MUC3A: variants seen among roughly 807,000 people sequenced by gnomAD.
MUC3A encodes mucin 3A, cell surface associated, also known as mucin-3A.
A neutral mutation model predicts 109.0 loss-of-function variants in MUC3A; 109 were observed. The ratio of observed to expected loss-of-function variants is 1.00; its 90% confidence interval spans 0.86 to 1.17. The LOEUF (loss-of-function observed/expected upper bound fraction) is 1.17. Ranked by LOEUF, MUC3A falls within the 50% of genes most tolerant of loss-of-function variation. The probability of loss-of-function intolerance (pLI) is 0.00; values close to 1 mark genes in which losing one functional copy is unlikely to be tolerated. For missense variants in MUC3A, 3,537 were observed against 2,469.4 expected, an observed-to-expected ratio of 1.43 and a Z score of -9.16; for synonymous variants, 1,398 against 981.4, an observed-to-expected ratio of 1.42 and a Z score of -7.93.
rs1792246534 is a variant in MUC3A, at chr7:100,959,651, G to A, written c.7872G>A (p.Val2624=). The A allele has an allele frequency of 1.3e-6, 2 of 1,598,410 alleles. No homozygotes were observed. Among genetic ancestry groups the A allele is most frequent in the Non-Finnish European group, 1.7e-6 (2 of 1,179,804 alleles). ...CATCAACAGCCTTGAGCACGATCGT[G>A]TCAACATCACAGGTTCCTATTCCTA... ...LTPSTALSTI[V]STSQVPIPST... is the part of the protein sequence containing the mutation. The change falls in exon 2 of 12, where the codon GTG becomes GTA. Residue 2624 remains valine, a synonymous_variant. Transcript: ENST00000379458.
rs1792281597 is a variant in MUC3A, at chr7:100,960,419, C to T, written c.8640C>T (p.Pro2880=). ...GGCTGAGCAACAGTTCTGTGATCCC[C>T]CTACCTCTTCCTGGCGTCTCTACCA... is the stretch of plus-strand genomic sequence containing the variant. The part of the protein sequence containing the change: ...ETWLSNSSVI[P]LPLPGVSTIP... The change falls in exon 2 of 12, where the codon CCC becomes CCT. Residue 2880 remains proline, a synonymous_variant. Coordinates refer to ENST00000379458, the MANE Select transcript of MUC3A (RefSeq NM_005960.2). 7.5e-6 allele frequency: 12 copies of T among 1,598,546 alleles called. No individual in the cohort carries two copies. Among genetic ancestry groups the T allele is most frequent in the Non-Finnish European group, 9.3e-6 (11 of 1,179,818 alleles).
In MUC3A at chr7:100,955,040, C is replaced by A. The variant is rs1305575201; in HGVS notation, c.3261C>A (p.Tyr1087Ter). The stretch of plus-strand genomic sequence containing the variant: ...CTACACCTACATCTGAGACCACCTA[C>A]CCTACTTCTCCCACCAGCATTGTCT... ...TRSTPTSETT[Y>*]PTSPTSIVSD... The change falls in exon 2 of 12, where the codon TAC (tyrosine) becomes TAA (stop). Residue 1087 changes from tyrosine (Y) to a stop codon, truncating the protein, a stop_gained. Coordinates refer to ENST00000379458, the MANE Select transcript of MUC3A (RefSeq NM_005960.2). LOFTEE classifies it high-confidence loss of function. The A allele has an allele frequency of 2.2e-5, 11 of 490,712 alleles. No homozygotes were observed. Among genetic ancestry groups the A allele is most frequent in the Non-Finnish European group, 7.0e-6 (2 of 287,240 alleles). 30.4% of individuals were successfully genotyped at this position (490,712 alleles called of 1,614,324 possible). A position where few individuals can be genotyped will look rare whatever the true frequency, so the allele number is the denominator to read the frequency against.
In MUC3A at chr7:100,967,092, G is replaced by A. The variant is rs766807946; in HGVS notation, c.9931-29G>A. The A allele has an allele frequency of 2.1e-4, 339 of 1,598,326 alleles. No individual in the cohort carries two copies. In the East Asian group the frequency reaches 4.6e-3, roughly 22 times the overall value. On this transcript the variant is annotated intron_variant, in intron 11 of 11. Transcript: ENST00000379458. ...TGTCAGCCCAAACCAGTGGCTCCGC[G>A]TTCCCGTCCCTCACTGTGACTCTGA...
At position 100,960,083 on chromosome 7, in the gene MUC3A, C is replaced by T. The variant is rs755010363; in HGVS notation, c.8304C>T (p.Pro2768=). The change falls in exon 2 of 12, where the codon CCC becomes CCT. Residue 2768 remains proline (P), a synonymous_variant. Transcript: ENST00000379458. ...FSYISLPSTT[P]CPGTITITIV... Reference sequence around the variant, plus strand: ...ATATTTCCCTTCCCTCCACCACACCCTGTCCAGGAACTATAACAATTACCA... The same window carrying T: ...ATATTTCCCTTCCCTCCACCACACCTTGTCCAGGAACTATAACAATTACCA... The T allele has an allele frequency of 5.4e-5, 82 of 1,517,710 alleles. No homozygotes were observed. The South Asian group carries it at 1.0e-3, about 18-fold the overall frequency. 94.0% of individuals were successfully genotyped at this position (1,517,710 alleles called of 1,614,324 possible).
At position 100,949,724 on chromosome 7, in the gene MUC3A, C is replaced by T. The variant is rs1353198445; in HGVS notation, c.61+39C>T. 6 of 1,480,844 alleles carry T rather than the reference C, an allele frequency of 4.1e-6. No homozygotes were observed. In the African/African-American group the frequency reaches 7.0e-5, roughly 17 times the overall value. The allele number at this position is 1,480,844 out of a possible 1,614,324, so 91.7% of individuals were successfully genotyped here. Reference sequence around the variant, plus strand: ...GCGGAAGGGGGTTGGAGAAAAGCTCCTGATGTGATGTTCCAGGAAAGGGGA... The same window carrying T: ...GCGGAAGGGGGTTGGAGAAAAGCTCTTGATGTGATGTTCCAGGAAAGGGGA... On this transcript the variant is annotated intron_variant, in intron 1 of 11. Transcript: ENST00000379458.
intron 6 of MUC3A, 113 bp downstream of exon 6, chr7:100,964,956 T>C (rs924947218): frequency 4.3e-5 from 62 of 1,452,940 alleles, no homozygotes; most frequent in South Asian, 6.9e-5. Context: ...CTCTGGCAGG[T>C]TGGGAGAAGG....
chr7:100,965,374 G>C, intron 7 of MUC3A, 27 bp downstream of exon 7: 1 of 1,592,588 alleles, frequency 6.3e-7, no homozygotes, highest in Non-Finnish European at 8.5e-7. Flanking sequence ...GGGCTGAGTG[G>C]TCTCCCGCGG....
chr7:100,958,694 C>T lies in MUC3A; in HGVS notation c.6915C>T (p.Pro2305=), dbSNP rs75843330. 5 of 1,516,412 alleles carry T rather than the reference C, an allele frequency of 3.3e-6. No individual in the cohort carries two copies. The highest frequency in any genetic ancestry group is 1.4e-5 in the African/African-American group (1 of 71,490). 93.9% of individuals were successfully genotyped at this position (1,516,412 alleles called of 1,614,324 possible). A position where few individuals can be genotyped will look rare whatever the true frequency, so the allele number is the denominator to read the frequency against. Residue 2305 remains proline (P), a synonymous_variant, in exon 2 of 12, where the codon CCC becomes CCT. Transcript: ENST00000379458. ...CCAAGACCACCTCACACAGTACTCCCAGCTTCACTTCTTCGATCACCACCA... is the reference window on the plus strand; with the variant it reads ...CCAAGACCACCTCACACAGTACTCCTAGCTTCACTTCTTCGATCACCACCA... ...TTTKTTSHST[P]SFTSSITTTE...
chr7:100,964,434 T>A, intron 5 of MUC3A: 1 of 522,238 alleles, frequency 1.9e-6, no homozygotes, highest in Non-Finnish European at 3.2e-6. Flanking sequence ...CACTCCAGCC[T>A]GGGTGACAGC....
At position 100,967,314 on chromosome 7, in the gene MUC3A, TCTC is replaced by T. The variant is rs1374024080; in HGVS notation, c.*155_*157del. 8.5e-6 allele frequency: 11 copies of T among 1,295,714 alleles called. No homozygotes were observed. The highest frequency in any genetic ancestry group is 9.5e-6 in the Non-Finnish European group (9 of 947,432). The allele number at this position is 1,295,714 out of a possible 1,614,324, so 80.3% of individuals were successfully genotyped here. On this transcript the variant is annotated 3_prime_UTR_variant, in exon 12 of 12. Coordinates refer to ENST00000379458, the MANE Select transcript of MUC3A (RefSeq NM_005960.2). ...AGACTGTTCCCCCAAATCCCATCCT[TCTC>T]CTTCCAACTTGGCTGAAACCCACCT... is the stretch of plus-strand genomic sequence containing the variant.
At position 100,966,407 on chromosome 7, in the gene MUC3A, C is replaced by G. The variant is rs1186832615; in HGVS notation, c.9633C>G (p.His3211Gln). The change falls in exon 9 of 12, where the codon CAC becomes CAG. Residue 3211 changes from histidine to glutamine, a missense_variant. Physicochemically the swap from His to Gln is conservative, Grantham distance 24. Coordinates refer to ENST00000379458, the MANE Select transcript of MUC3A (RefSeq NM_005960.2). ...GCAGCTGCTACTCCACCGACACGCA[C>G]TGGTTCTCTGGCCCGCGCTGCGAGG... Reference protein sequence around the residue: ...PTCRCYSTDTHWFSGPRCEVA... With the variant: ...PTCRCYSTDTQWFSGPRCEVA... The G allele has an allele frequency of 3.0e-6, 4 of 1,350,018 alleles. No homozygotes were observed. Among genetic ancestry groups the G allele is most frequent in the African/African-American group, 1.5e-5 (1 of 66,812 alleles). The allele number at this position is 1,350,018 out of a possible 1,614,324, so 83.6% of individuals were successfully genotyped here.
chr7:100,967,507 C>T lies in MUC3A; in HGVS notation c.*345C>T, dbSNP rs1232779152. ...TTGGTCAATTCTCGGTCCTACTCTGCCCTCCCGTCTCAGCCCTCGTGTTGC... is the reference window on the plus strand; with the variant it reads ...TTGGTCAATTCTCGGTCCTACTCTGTCCTCCCGTCTCAGCCCTCGTGTTGC... On this transcript the variant is annotated 3_prime_UTR_variant, in exon 12 of 12. Coordinates refer to ENST00000379458, the MANE Select transcript of MUC3A (RefSeq NM_005960.2). 6 of 520,292 alleles carry T rather than the reference C, an allele frequency of 1.2e-5. No individual in the cohort carries two copies. The highest frequency in any genetic ancestry group is 3.0e-5 in the South Asian group (1 of 33,010). 32.2% of individuals were successfully genotyped at this position (520,292 alleles called of 1,614,324 possible).
rs778570213 is a variant in MUC3A at position 100,959,129 on chromosome 7, C to T, written c.7350C>T (p.Ser2450=). The T allele has an allele frequency of 2.0e-6, 3 of 1,502,574 alleles. No homozygotes were observed. The highest frequency in any genetic ancestry group is 1.8e-6 in the Non-Finnish European group (2 of 1,136,888). The allele number at this position is 1,502,574 out of a possible 1,614,324, so 93.1% of individuals were successfully genotyped here. ...TPSLSSSTIY[S]TVSTSTTAIT... ...GCCTCAGTTCTTCAACCATCTACTCCACAGTCAGCACATCCACAACTGCCA... is the reference window on the plus strand; with the variant it reads ...GCCTCAGTTCTTCAACCATCTACTCTACAGTCAGCACATCCACAACTGCCA... Residue 2450 remains serine, a synonymous_variant, in exon 2 of 12, where the codon TCC becomes TCT. Transcript: ENST00000379458.
chr7:100,953,389 C>G lies in MUC3A; in HGVS notation c.1610C>G (p.Ser537Cys). The G allele has an allele frequency of 2.0e-6, 1 of 507,162 alleles. No individual in the cohort carries two copies. Among genetic ancestry groups the G allele is most frequent in the Admixed American group, 3.7e-5 (1 of 27,202 alleles). The allele number at this position is 507,162 out of a possible 1,614,324, so 31.4% of individuals were successfully genotyped here. The part of the protein sequence containing the change: ...TTFPATYSFS[S>C]SMSASSAGTT... ...TTCCCAGCAACATATTCATTTTCAT[C>G]TTCCATGTCTGCCAGCAGTGCTGGG... The change falls in exon 2 of 12, where the codon TCT becomes TGT. Residue 537 changes from serine to cysteine, a missense_variant. Coordinates refer to ENST00000379458, the MANE Select transcript of MUC3A (RefSeq NM_005960.2).
In MUC3A at chr7:100,962,797, TTC is replaced by T. The variant is rs67170949; in HGVS notation, c.9053-338_9053-337del. Among the ~76,000 whole-genome samples the T allele has an allele frequency of 3.1e-3, 447 of 143,400 alleles. 11 individuals carry two copies. The East Asian group carries it at 0.068, about 22-fold the overall frequency. The allele number at this position is 143,400 out of a possible 152,430, so 94.1% of individuals were successfully genotyped here. ...TCCTTCTTTCTTTCTCTTTCTTTCT[TTC>T]TCTCTCTCTCTCTCTTTCTTTCTTT... On this transcript the variant is annotated intron_variant, in intron 3 of 11. Coordinates refer to ENST00000379458, the MANE Select transcript of MUC3A (RefSeq NM_005960.2).
chr7:100,954,758 T>C lies in MUC3A; in HGVS notation c.2979T>C (p.Thr993=). ...AGACCACTACACTGACTCCTACAAC[T>C]GACATTTCTACAGTATCTCTCACAA... The part of the protein sequence containing the change: ...FPETTTLTPT[T]DISTVSLTTA... The change falls in exon 2 of 12, where the codon ACT becomes ACC. Residue 993 remains threonine, a synonymous_variant. Transcript: ENST00000379458. 1.0e-5 allele frequency: 4 copies of C among 399,168 alleles called. No homozygotes were observed. Among genetic ancestry groups the C allele is most frequent in the Non-Finnish European group, 1.8e-5 (4 of 227,234 alleles). 24.7% of individuals were successfully genotyped at this position (399,168 alleles called of 1,614,324 possible).
In MUC3A at chr7:100,967,277, T is replaced by C. The variant is rs1792629517; in HGVS notation, c.*115T>C. 1 of 1,491,862 alleles carries C rather than the reference T, an allele frequency of 6.7e-7. No homozygotes were observed. Among genetic ancestry groups the C allele is most frequent in the Non-Finnish European group, 9.1e-7 (1 of 1,103,978 alleles). The allele number at this position is 1,491,862 out of a possible 1,614,324, so 92.4% of individuals were successfully genotyped here. A position where few individuals can be genotyped will look rare whatever the true frequency, so the allele number is the denominator to read the frequency against. On this transcript the variant is annotated 3_prime_UTR_variant, in exon 12 of 12. Coordinates refer to ENST00000379458, the MANE Select transcript of MUC3A (RefSeq NM_005960.2). Reference sequence around the variant, plus strand: ...CGGGCAGCCCAGGCTCCTGCTGTTCTTGGGCAAGATGAGACTGTTCCCCCA... The same window carrying C: ...CGGGCAGCCCAGGCTCCTGCTGTTCCTGGGCAAGATGAGACTGTTCCCCCA...
chr7:100,962,274 T>A (rs1371460910), intron 3 of MUC3A, among the ~76,000 whole-genome samples: 1 of 146,838 alleles, frequency 6.8e-6, no homozygotes, highest in Non-Finnish European at 1.5e-5. Context: ...AAAACTTACC[T>A]GGGCATGGTG....
At chr7:100,967,088 C>G (rs773584511) in intron 11 of MUC3A, 33 bp from the exon 12 acceptor site, 1 of 1,598,544 alleles carries the variant, frequency 6.3e-7, no homozygotes, top group East Asian at 2.2e-5. Context: ...ACCAGTGGCT[C>G]CGCGTTCCCG....
Sources: gnomAD v4.1 joint callset for allele counts (sites outside exome capture counted in the v4.1 genomes callset) on GRCh38, gnomAD v4.1.1 for gene constraint, MANE v1.5 for transcripts, NCBI Gene and HGNC (gene_info 2026-07-23, HGNC 2026-07-21) for gene names.